Variants in LCLAT1 observed in about 807,000 individuals in gnomAD.
LCLAT1 encodes 1-AGP acyltransferase 8.
A neutral mutation model predicts 30.7 loss-of-function variants in LCLAT1; 11 were observed. The ratio of observed to expected loss-of-function variants is 0.36; its 90% confidence interval spans 0.23 to 0.59. The LOEUF (loss-of-function observed/expected upper bound fraction) is 0.59, where lower values mean the gene tolerates loss of function less well. Among genes scored for constraint, LCLAT1 ranks in the 20% least tolerant of loss-of-function variants. LCLAT1 has a pLI of 0.77. For synonymous variants in LCLAT1, 155 were observed against 151.3 expected, an observed-to-expected ratio of 1.02 and a Z score of -0.18; for missense variants, 402 against 458.6, an observed-to-expected ratio of 0.88 and a Z score of 1.13.
intron 1 of LCLAT1, among the ~76,000 whole-genome samples, chr2:30,512,677 T>A (rs1684996129): frequency 6.6e-6 from 1 of 152,214 alleles, no homozygotes; most frequent in Non-Finnish European, 1.5e-5. Flanking sequence ...AAGGCAAAAA[T>A]GGGATCATGC....
At chr2:30,529,374 G>T (rs1301497795) in intron 2 of LCLAT1, among the ~76,000 whole-genome samples, 1 of 152,186 alleles carries the variant, frequency 6.6e-6, no homozygotes, top group Non-Finnish European at 1.5e-5. Context: ...CTAACTCTGT[G>T]GGCAAGAATC....
At chr2:30,619,819 C>T (rs143013838) in intron 5 of LCLAT1, among the ~76,000 whole-genome samples, 14 of 152,216 alleles carry the variant, frequency 9.2e-5, no homozygotes, top group African/African-American at 2.9e-4. Flanking sequence ...TTAGTCATTT[C>T]GTGTCCCAGA....
intron 1 of LCLAT1, among the ~76,000 whole-genome samples, chr2:30,522,737 T>A (rs1685537100): frequency 6.6e-6 from 1 of 152,210 alleles, no homozygotes; most frequent in South Asian, 2.1e-4. Context: ...AATCCCAGTA[T>A]ATTCATGTGA....
chr2:30,627,643 A>C (rs763422239), intron 5 of LCLAT1, among the ~76,000 whole-genome samples: 3 of 152,166 alleles, frequency 2.0e-5, no homozygotes, highest in African/African-American at 4.8e-5. Flanking sequence ...GAAATAGTGA[A>C]GCCTACACTA....
intron 5 of LCLAT1, among the ~76,000 whole-genome samples, chr2:30,595,461 G>A (rs2148483423): frequency 6.6e-6 from 1 of 152,194 alleles, no homozygotes; most frequent in East Asian, 1.9e-4. Flanking sequence ...TGGATTCTTA[G>A]TGCCTCCTGA....
chr2:30,602,927 G>T (rs10514772), intron 5 of LCLAT1, among the ~76,000 whole-genome samples: 19,245 of 152,098 alleles, frequency 0.13, 1,350 homozygotes, highest in South Asian at 0.23. Flanking sequence ...TCCAGGAACA[G>T]CGGAACAGTA....
chr2:30,470,914 TC>T (rs1178989035), intron 1 of LCLAT1, among the ~76,000 whole-genome samples: 1 of 148,882 alleles, frequency 6.7e-6, no homozygotes, highest in East Asian at 2.0e-4. Flanking sequence ...ATTTATTCAT[TC>T]TTTTTTTTTT....
intron 1 of LCLAT1, among the ~76,000 whole-genome samples, chr2:30,463,801 A>T (rs1682287308): frequency 6.6e-6 from 1 of 152,192 alleles, no homozygotes; most frequent in South Asian, 2.1e-4. Context: ...ATATTAGATG[A>T]CTGTGCTTCA....
At chr2:30,455,359 G>A (rs183033924) in intron 1 of LCLAT1, among the ~76,000 whole-genome samples, 8 of 152,252 alleles carry the variant, frequency 5.3e-5, no homozygotes, top group Non-Finnish European at 1.5e-5. Flanking sequence ...TGCAGACATC[G>A]TGACTTAAAA....
At chr2:30,553,175 A>G (rs1664756060) in intron 3 of LCLAT1, among the ~76,000 whole-genome samples, 1 of 152,206 alleles carries the variant, frequency 6.6e-6, no homozygotes, top group Admixed American at 6.5e-5. Context: ...AAAGTTGTGA[A>G]AAGGCTTACT....
intron 5 of LCLAT1, chr2:30,605,919 G>A (rs1412180295): frequency 2.5e-5 from 20 of 792,896 alleles, no homozygotes; most frequent in Non-Finnish European, 3.4e-5. Flanking sequence ...ATTCTCATAA[G>A]GAGCGCGCAA....
intron 5 of LCLAT1, among the ~76,000 whole-genome samples, chr2:30,637,240 T>A (rs1669080175): frequency 6.6e-6 from 1 of 151,580 alleles, no homozygotes; most frequent in South Asian, 2.1e-4. Flanking sequence ...AGATAGAGAG[T>A]GCTCTAAAAT....
intron 1 of LCLAT1, among the ~76,000 whole-genome samples, chr2:30,517,383 C>T (rs1482043861): frequency 1.3e-5 from 2 of 152,152 alleles, no homozygotes; most frequent in African/African-American, 4.8e-5. Context: ...CGTTCCTCAC[C>T]ACCCTTGCCA....
chr2:30,515,341 C>G (rs1162319140), intron 1 of LCLAT1, among the ~76,000 whole-genome samples: 2 of 152,168 alleles, frequency 1.3e-5, no homozygotes, highest in African/African-American at 4.8e-5. Context: ...CCATTAGACT[C>G]TGAGAGTAAC....
intron 5 of LCLAT1, among the ~76,000 whole-genome samples, chr2:30,591,453 T>G (rs1332324663): frequency 2.0e-5 from 3 of 152,230 alleles, no homozygotes; most frequent in Non-Finnish European, 4.4e-5. Context: ...AATATTTATG[T>G]TGCATCCTTT....
intron 1 of LCLAT1, among the ~76,000 whole-genome samples, chr2:30,520,179 G>C (rs191922319): frequency 6.6e-6 from 1 of 152,264 alleles, no homozygotes; most frequent in South Asian, 2.1e-4. Flanking sequence ...GAACCCCCCA[G>C]GTCAGAGAGC....
chr2:30,565,140 G>T (rs1665415547), intron 4 of LCLAT1, among the ~76,000 whole-genome samples: 1 of 152,158 alleles, frequency 6.6e-6, no homozygotes, highest in Non-Finnish European at 1.5e-5. Flanking sequence ...GAACCAGTAG[G>T]ATGTGTATAT....
intron 2 of LCLAT1, among the ~76,000 whole-genome samples, chr2:30,526,915 A>G (rs1472934132): frequency 6.6e-6 from 1 of 152,160 alleles, no homozygotes; most frequent in Non-Finnish European, 1.5e-5. Flanking sequence ...TTAGAGTTAC[A>G]TTTTTAAATT....
intron 5 of LCLAT1, among the ~76,000 whole-genome samples, chr2:30,603,083 T>G (rs1302109982): frequency 1.3e-5 from 2 of 152,164 alleles, no homozygotes; most frequent in African/African-American, 4.8e-5. Context: ...CTTATTGTGC[T>G]GCTTCAGTGA....
Sources: allele counts gnomAD v4.1 joint callset (sites outside exome capture counted in the v4.1 genomes callset), GRCh38; gene constraint gnomAD v4.1.1; transcripts MANE v1.5; gene names NCBI Gene and HGNC (gene_info 2026-07-23, HGNC 2026-07-21).